LVRN: variants seen among roughly 807,000 people sequenced by gnomAD.
LVRN encodes the protein laeverin.
Under a neutral mutation model 111.4 loss-of-function variants are expected in LVRN, and 99 were observed. The observed-to-expected ratio is 0.89, with a 90% confidence interval of 0.76 to 1.05. LVRN has a LOEUF of 1.05. LVRN is among the 50% of genes least tolerant of loss of function. The pLI is 0.00. For missense variants in LVRN, 1,414 were observed against 1,206.8 expected, an observed-to-expected ratio of 1.17 and a Z score of -2.54; for synonymous variants, 488 against 449.5, an observed-to-expected ratio of 1.09 and a Z score of -1.08.
intron 2 of LVRN, among the ~76,000 whole-genome samples, chr5:115,984,214 C>T (rs17404060): frequency 0.07 from 10,695 of 152,162 alleles, 539 homozygotes; most frequent in Middle Eastern, 0.17. Flanking sequence ...GTTGACCTAC[C>T]GTGGGGCCTA....
chr5:115,968,033 C>T (rs1365115663), intron 1 of LVRN, among the ~76,000 whole-genome samples: 3 of 152,090 alleles, frequency 2.0e-5, no homozygotes, highest in South Asian at 2.1e-4. Flanking sequence ...TGTCAACAAA[C>T]GGAGACAGTT....
intron 10 of LVRN, 131 bp downstream of exon 10, chr5:116,001,370 AG>A (rs1329029084): frequency 4.7e-6 from 5 of 1,058,504 alleles, no homozygotes; most frequent in Admixed American, 2.5e-5. Flanking sequence ...ACTGTGTACT[AG>A]GGTGAAGCAG....
At chr5:116,009,168 C>T (rs1011280323) in intron 13 of LVRN, among the ~76,000 whole-genome samples, 1 of 152,130 alleles carries the variant, frequency 6.6e-6, no homozygotes, top group Non-Finnish European at 1.5e-5. Flanking sequence ...TGCTTGTGCT[C>T]TGTAAGTGGA....
chr5:116,003,381 G>A lies in LVRN; in HGVS notation c.2037+1G>A, dbSNP rs762347215. 3 of 1,426,048 alleles carry A rather than the reference G, an allele frequency of 2.1e-6. No homozygotes were observed. The highest frequency in any genetic ancestry group is 2.8e-6 in the Non-Finnish European group (3 of 1,053,476). 88.3% of individuals were successfully genotyped at this position (1,426,048 alleles called of 1,614,324 possible). A position where few individuals can be genotyped will look rare whatever the true frequency, so the allele number is the denominator to read the frequency against. ...TCAACAACTTGAAAAGGATCCTAAG[G>A]TAAGGTTACTTTTGATACTTTTAAT... On this transcript the variant is annotated splice_donor_variant, in intron 12 of 19. Coordinates refer to ENST00000357872, the MANE Select transcript of LVRN (RefSeq NM_173800.5). LOFTEE classifies it high-confidence loss of function.
At chr5:116,023,845 G>A (rs993902692) in intron 19 of LVRN, among the ~76,000 whole-genome samples, 1 of 152,110 alleles carries the variant, frequency 6.6e-6, no homozygotes, top group African/African-American at 2.4e-5. Context: ...CATGGCACAA[G>A]CACATCAGAA....
chr5:116,012,086 T>C (rs1748502382), intron 14 of LVRN, among the ~76,000 whole-genome samples: 2 of 152,158 alleles, frequency 1.3e-5, no homozygotes, highest in South Asian at 2.1e-4. Flanking sequence ...ATTTTTTGAG[T>C]TCTTGCTTTG....
chr5:116,013,994 C>G (rs908385740), intron 15 of LVRN, among the ~76,000 whole-genome samples: 5 of 152,148 alleles, frequency 3.3e-5, no homozygotes, highest in African/African-American at 1.2e-4. Context: ...GAACTATTCC[C>G]TTTCCCTTTC....
intron 6 of LVRN, among the ~76,000 whole-genome samples, chr5:115,998,037 G>A (rs1748157224): frequency 6.6e-6 from 1 of 152,182 alleles, no homozygotes; most frequent in Non-Finnish European, 1.5e-5. Flanking sequence ...CTCACAAAAT[G>A]TGGAGTAGCA....
At chr5:115,989,968 C>A (rs1425378502) in intron 4 of LVRN, among the ~76,000 whole-genome samples, 5 of 152,160 alleles carry the variant, frequency 3.3e-5, no homozygotes, top group Admixed American at 1.3e-4. Flanking sequence ...ATGCCATACT[C>A]TTACCCTCCT....
intron 11 of LVRN, 103 bp downstream of exon 11, chr5:116,003,014 C>T: frequency 1.9e-6 from 2 of 1,028,260 alleles, no homozygotes; most frequent in East Asian, 2.7e-5. Context: ...TCATTTCAAA[C>T]TAAAATATCA....
rs1435504763 is a variant in LVRN, at chr5:116,026,193, G to A, written c.*75G>A. 5 of 1,578,642 alleles carry A rather than the reference G, an allele frequency of 3.2e-6. No individual in the cohort carries two copies. Among genetic ancestry groups the A allele is most frequent in the East Asian group, 2.3e-5 (1 of 44,156 alleles). On this transcript the variant is annotated 3_prime_UTR_variant, in exon 20 of 20. Coordinates refer to ENST00000357872, the MANE Select transcript of LVRN (RefSeq NM_173800.5). The stretch of plus-strand genomic sequence containing the variant: ...TCACAGTTTTGTCTTCCAATACTTT[G>A]TGAGTCTGGAAAACCACACATTTTA...
intron 6 of LVRN, among the ~76,000 whole-genome samples, chr5:115,995,904 T>G (rs533484326): frequency 6.6e-6 from 1 of 152,156 alleles, no homozygotes; most frequent in Non-Finnish European, 1.5e-5. Flanking sequence ...CTGTGCTCTA[T>G]AGCAAAAACA....
intron 6 of LVRN, chr5:115,995,640 C>T (rs896156538): frequency 6.6e-6 from 1 of 152,212 alleles, no homozygotes; most frequent in Non-Finnish European, 1.5e-5. Context: ...ATGACGATAA[C>T]AACAATAATA....
chr5:115,993,544 G>A (rs1191779027), intron 5 of LVRN, among the ~76,000 whole-genome samples, 197 bp from the exon 6 acceptor site: 1 of 152,162 alleles, frequency 6.6e-6, no homozygotes, highest in Non-Finnish European at 1.5e-5. Flanking sequence ...ATATTTCTGA[G>A]AAATGCATGA....
intron 9 of LVRN, 129 bp from the exon 10 acceptor site, chr5:116,000,938 G>T: frequency 9.5e-7 from 1 of 1,049,664 alleles, no homozygotes; most frequent in East Asian, 2.5e-5. Context: ...TTGCCCCAGA[G>T]GATCACCCAC....
In LVRN at chr5:115,983,332, T is replaced by C; in HGVS notation, c.741T>C (p.Val247=). 6.2e-7 allele frequency: 1 copy of C among 1,611,028 alleles called. No homozygotes were observed. Among genetic ancestry groups the C allele is most frequent in the Non-Finnish European group, 8.5e-7 (1 of 1,179,108 alleles). Residue 247 remains valine (V), a synonymous_variant, in exon 2 of 20, where the codon GTT becomes GTC. Transcript: ENST00000357872. ...SQLEPTFARY[V]FPCFDEPALK... ...TGGAACCAACATTTGCCAGGTATGT[T>C]TTCCCTTGTTTTGATGAGCCAGCTC...
intron 18 of LVRN, chr5:116,021,344 A>C (rs1748723546): frequency 6.6e-6 from 1 of 152,318 alleles, no homozygotes; most frequent in South Asian, 2.1e-4. Flanking sequence ...TTGGAACTCA[A>C]ATTTCTTGAG....
At chr5:115,991,535 G>A (rs559287617) in intron 4 of LVRN, among the ~76,000 whole-genome samples, 56 of 152,286 alleles carry the variant, frequency 3.7e-4, no homozygotes, top group African/African-American at 1.3e-3. Flanking sequence ...GTGGGCATAA[G>A]ATTTCTGGTC....
intron 1 of LVRN, among the ~76,000 whole-genome samples, chr5:115,967,228 C>A (rs894243467): frequency 6.6e-6 from 1 of 152,148 alleles, no homozygotes; most frequent in African/African-American, 2.4e-5. Flanking sequence ...AACTCTTCAC[C>A]AAGCCCTAGG....
Sources: gnomAD v4.1 joint callset for allele counts (sites outside exome capture counted in the v4.1 genomes callset) on GRCh38, gnomAD v4.1.1 for gene constraint, MANE v1.5 for transcripts, NCBI Gene and HGNC (gene_info 2026-07-23, HGNC 2026-07-21) for gene names.